Variants in OGDH observed in about 807,000 individuals in gnomAD.
OGDH encodes 2-oxoglutarate dehydrogenase complex component E1.
OGDH carries 38 observed loss-of-function variants against 116.6 expected under a neutral mutation model. The ratio of observed to expected loss-of-function variants is 0.33; its 90% CI spans 0.25 to 0.43. The LOEUF (loss-of-function observed/expected upper bound fraction) is 0.43, where lower values mean the gene tolerates loss of function less well. Ranked by LOEUF, OGDH falls within the 20% of genes least tolerant of loss-of-function variation. The pLI, the probability that OGDH is intolerant of heterozygous loss-of-function variation, is 1.00. For synonymous variants in OGDH, 488 were observed against 533.3 expected, an observed-to-expected ratio of 0.92 and a Z score of 1.17; for missense variants, 825 against 1,357.2, an observed-to-expected ratio of 0.61 and a Z score of 6.16.
chr7:44,703,885 CAAAA>C (rs56014201), intron 20 of OGDH, among the ~76,000 whole-genome samples: 1 of 130,222 alleles, frequency 7.7e-6, no homozygotes. Flanking sequence ...AACTCCGTCT[CAAAA>C]AAAAAAAAAG....
At chr7:44,619,504 C>T (rs1392635924) in intron 1 of OGDH, among the ~76,000 whole-genome samples, 2 of 152,218 alleles carry the variant, frequency 1.3e-5, no homozygotes, top group Admixed American at 6.5e-5. Context: ...ATGTCTTTTG[C>T]GTCTGCTGCT....
At chr7:44,616,860 C>CGT in intron 1 of OGDH, among the ~76,000 whole-genome samples, 1 of 102,028 alleles carries the variant, frequency 9.8e-6, no homozygotes, top group African/African-American at 4.2e-5. Flanking sequence ...TATATATACA[C>CGT]ATATATATAT....
At chr7:44,619,700 G>T (rs984831752) in intron 1 of OGDH, among the ~76,000 whole-genome samples, 1 of 152,064 alleles carries the variant, frequency 6.6e-6, no homozygotes, top group Non-Finnish European at 1.5e-5. Flanking sequence ...GTTGCTCATA[G>T]CAACAATAAT....
chr7:44,642,766 A>G (rs1786002173), intron 2 of OGDH, among the ~76,000 whole-genome samples: 1 of 151,848 alleles, frequency 6.6e-6, no homozygotes, highest in African/African-American at 2.4e-5. Flanking sequence ...TACTAAAAAT[A>G]CAAAAATTAG....
intron 2 of OGDH, among the ~76,000 whole-genome samples, chr7:44,631,265 G>A (rs772798785): frequency 5.9e-5 from 9 of 152,172 alleles, no homozygotes; most frequent in Non-Finnish European, 1.0e-4. Context: ...GGGTTTCAGC[G>A]ATGAGCTTTG....
At chr7:44,658,258 G>T (rs933949978) in intron 4 of OGDH, among the ~76,000 whole-genome samples, 1 of 151,862 alleles carries the variant, frequency 6.6e-6, no homozygotes, top group Admixed American at 6.6e-5. Flanking sequence ...TCATTTATTT[G>T]GATCACTGAT....
intron 2 of OGDH, among the ~76,000 whole-genome samples, chr7:44,630,823 A>G (rs1211870443): frequency 6.6e-6 from 1 of 152,174 alleles, no homozygotes; most frequent in African/African-American, 2.4e-5. Flanking sequence ...TTTTCCATGG[A>G]CTGAGGGATC....
At chr7:44,663,261 T>A (rs1228363061) in intron 4 of OGDH, among the ~76,000 whole-genome samples, 1 of 152,256 alleles carries the variant, frequency 6.6e-6, no homozygotes, top group Non-Finnish European at 1.5e-5. Context: ...GGTACTACTT[T>A]GCATCTTCAG....
intron 1 of OGDH, among the ~76,000 whole-genome samples, chr7:44,621,026 T>A (rs997363309): frequency 6.6e-6 from 1 of 152,236 alleles, no homozygotes; most frequent in Admixed American, 6.5e-5. Context: ...CAAGACCTAA[T>A]GTTGACTGGC....
chr7:44,681,531 T>A (rs1237588733), intron 9 of OGDH, among the ~76,000 whole-genome samples, 189 bp from the exon 10 acceptor site: 1 of 152,212 alleles, frequency 6.6e-6, no homozygotes, highest in Non-Finnish European at 1.5e-5. Context: ...TGTGTTGGTG[T>A]TGAGCAGATA....
At chr7:44,658,032 T>G (rs904594935) in intron 4 of OGDH, among the ~76,000 whole-genome samples, 3 of 152,232 alleles carry the variant, frequency 2.0e-5, no homozygotes, top group Non-Finnish European at 4.4e-5. Context: ...GTGTCTTGAT[T>G]ACTGTAGCTA....
Position 44,707,686 on chromosome 7 carries a change from C to T in OGDH, c.2901C>T (p.Asp967=), listed in dbSNP as rs1789144909. Residue 967 remains aspartate (D), a synonymous_variant, in exon 22 of 23, where the codon GAC becomes GAT. Transcript: ENST00000222673. The surrounding 1 kb of genome is among the most constrained non-coding windows in gnomAD (Gnocchi z 5.2). The stretch of plus-strand genomic sequence containing the variant: ...AGCACAAGAACCAAGGCTACTATGA[C>T]TACGTGAAGCCAAGACTTCGGACCA... ...QEEHKNQGYY[D]YVKPRLRTTI... is the part of the protein sequence containing the mutation. 6.2e-7 allele frequency: 1 copy of T among 1,614,116 alleles called. No homozygotes were observed. The highest frequency in any genetic ancestry group is 1.1e-5 in the South Asian group (1 of 91,092).
At chr7:44,677,913 A>G (rs948706775) in intron 9 of OGDH, among the ~76,000 whole-genome samples, 3 of 151,766 alleles carry the variant, frequency 2.0e-5, no homozygotes, top group African/African-American at 7.3e-5. Context: ...ACCAATTATT[A>G]CTTTACCAGG....
intron 5 of OGDH, among the ~76,000 whole-genome samples, chr7:44,669,586 C>T (rs1241521519): frequency 6.6e-6 from 1 of 152,094 alleles, no homozygotes; most frequent in Non-Finnish European, 1.5e-5. Context: ...GCATTGATGT[C>T]CCTATGGCTA....
intron 18 of OGDH, among the ~76,000 whole-genome samples, chr7:44,699,425 CAAA>C (rs59695480): frequency 0.22 from 14,477 of 67,084 alleles, 738 homozygotes; most frequent in East Asian, 0.43. Context: ...ACTCCTGTCT[CAAA>C]AAAAAAAAAA....
chr7:44,683,275 G>A lies in OGDH; in HGVS notation c.1335+1427G>A, dbSNP rs904907223. Reference sequence around the variant, plus strand: ...AGACCAGTCTTGCCCCATAGCTCACGCTGGAGTGTAGGGGCATGATGATAG... The same window carrying A: ...AGACCAGTCTTGCCCCATAGCTCACACTGGAGTGTAGGGGCATGATGATAG... On this transcript the variant is annotated intron_variant, in intron 10 of 22. Transcript: ENST00000222673. 4.6e-5 allele frequency among the ~76,000 whole-genome samples: 7 copies of A among 152,306 alleles called. No homozygotes were observed. In the South Asian group the frequency reaches 8.3e-4, roughly 18 times the overall value.
At chr7:44,613,358 ATTTG>A (rs775123810) in intron 1 of OGDH, among the ~76,000 whole-genome samples, 48 of 148,530 alleles carry the variant, frequency 3.2e-4, no homozygotes, top group South Asian at 6.4e-4. Flanking sequence ...TTGTTTGTTT[ATTTG>A]TTTGTTTGTT....
At chr7:44,629,578 TTC>T (rs1431088432) in intron 2 of OGDH, among the ~76,000 whole-genome samples, 1,285 of 64,826 alleles carry the variant, frequency 0.02, 45 homozygotes, top group African/African-American at 0.041. Context: ...TCTTTTTCTT[TTC>T]TTTTTTTTTT....
chr7:44,706,903 C>T (rs548931474), intron 20 of OGDH, among the ~76,000 whole-genome samples: 2 of 152,252 alleles, frequency 1.3e-5, no homozygotes, highest in South Asian at 2.1e-4. Flanking sequence ...GGATTGCAGG[C>T]GTGAGCCACC....
Sources: allele counts gnomAD v4.1 joint callset (sites outside exome capture counted in the v4.1 genomes callset), GRCh38; gene constraint gnomAD v4.1.1; non-coding constraint Gnocchi (gnomAD v3.1); transcripts MANE v1.5; gene names NCBI Gene and HGNC (gene_info 2026-07-23, HGNC 2026-07-21).